The following SPAG16 variants were observed in gnomAD, a reference collection of about 807,000 sequenced individuals.
SPAG16 encodes sperm-associated antigen 16 protein.
In SPAG16, 86 loss-of-function variants were observed where a neutral mutation model predicts 80.4. The observed-to-expected ratio is 1.07, with a 90% CI of 0.90 to 1.28. SPAG16 has a LOEUF of 1.28. Ranked by LOEUF, SPAG16 falls within the 50% of genes most tolerant of loss-of-function variation. The pLI is 0.00. For synonymous variants in SPAG16, 294 were observed against 265.9 expected, an observed-to-expected ratio of 1.11 and a Z score of -1.03; for missense variants, 870 against 765.3, an observed-to-expected ratio of 1.14 and a Z score of -1.61.
intron 11 of SPAG16, among the ~76,000 whole-genome samples, chr2:213,869,272 T>TAC (rs1559538141): frequency 1.7e-4 from 16 of 96,822 alleles, no homozygotes; most frequent in African/African-American, 4.1e-4. Flanking sequence ...AAAATATATA[T>TAC]ATATATATGT....
chr2:213,329,463 G>A (rs1235597017), intron 5 of SPAG16, among the ~76,000 whole-genome samples: 2 of 152,138 alleles, frequency 1.3e-5, no homozygotes. Context: ...GTGATATTTT[G>A]CCCCTGTCCT....
At chr2:213,995,722 A>G (rs1268479204) in intron 12 of SPAG16, among the ~76,000 whole-genome samples, 2 of 152,188 alleles carry the variant, frequency 1.3e-5, no homozygotes, top group East Asian at 1.9e-4. Context: ...ATAAATGTTC[A>G]GTGTCCCAGC....
At chr2:213,681,031 T>C (rs1402181194) in intron 10 of SPAG16, among the ~76,000 whole-genome samples, 2 of 152,194 alleles carry the variant, frequency 1.3e-5, no homozygotes, top group Non-Finnish European at 2.9e-5. Context: ...ATCTCTCAGA[T>C]AGCTGACTTC....
chr2:213,356,437 T>A (rs1313169186), intron 7 of SPAG16, among the ~76,000 whole-genome samples: 2 of 152,228 alleles, frequency 1.3e-5, no homozygotes, highest in East Asian at 3.8e-4. Flanking sequence ...CTGTGATTGG[T>A]CAATTCAGAG....
At chr2:214,180,527 A>G (rs2057277995) in intron 15 of SPAG16, among the ~76,000 whole-genome samples, 1 of 151,672 alleles carries the variant, frequency 6.6e-6, no homozygotes, top group South Asian at 2.1e-4. Flanking sequence ...TTTCCATCTT[A>G]TTTAATTACC....
chr2:213,739,547 G>GA (rs2067444823), intron 10 of SPAG16, among the ~76,000 whole-genome samples: 1 of 152,068 alleles, frequency 6.6e-6, no homozygotes, highest in Non-Finnish European at 1.5e-5. Flanking sequence ...ATCATTTATG[G>GA]AAAAAATTGT....
chr2:214,065,657 A>G (rs2050496623), intron 13 of SPAG16, among the ~76,000 whole-genome samples: 1 of 152,116 alleles, frequency 6.6e-6, no homozygotes, highest in East Asian at 1.9e-4. Flanking sequence ...CCAAATACAT[A>G]TAGTTTATGT....
rs201741331 is a variant in SPAG16, at chr2:213,873,388, CCT to C, written c.1214+10765_1214+10766del. 2.8e-3 allele frequency among the ~76,000 whole-genome samples: 422 copies of C among 151,514 alleles called. 3 individuals are homozygous for C. The highest frequency in any genetic ancestry group is 9.9e-3 in the African/African-American group (407 of 41,314). On this transcript the variant is annotated intron_variant, in intron 11 of 15. Coordinates refer to ENST00000331683, the MANE Select transcript of SPAG16 (RefSeq NM_024532.5). Reference sequence around the variant, plus strand: ...AATTATTGATTTTAATAATTTGAGTCCTCTCTATTTTTTTGTTGCTCAGTAGA... The same window carrying C: ...AATTATTGATTTTAATAATTTGAGTCCTCTATTTTTTTGTTGCTCAGTAGA...
intron 15 of SPAG16, among the ~76,000 whole-genome samples, chr2:214,253,960 G>T (rs181818195): frequency 6.6e-6 from 1 of 152,180 alleles, no homozygotes. Flanking sequence ...CCATTTGTTT[G>T]TATCCTCTTT....
intron 10 of SPAG16, among the ~76,000 whole-genome samples, chr2:213,631,042 G>A (rs894490320): frequency 1.4e-4 from 22 of 152,150 alleles, no homozygotes; most frequent in Non-Finnish European, 2.6e-4. Flanking sequence ...TGATGGTGCC[G>A]ACCTTAATGA....
intron 9 of SPAG16, among the ~76,000 whole-genome samples, chr2:213,405,768 G>C (rs1467942418): frequency 6.6e-6 from 1 of 152,278 alleles, no homozygotes; most frequent in Non-Finnish European, 1.5e-5. Flanking sequence ...TTAATGTAAT[G>C]TCCTCCAATT....
chr2:214,350,595 G>C (rs1050846106), intron 15 of SPAG16, among the ~76,000 whole-genome samples: 1 of 152,184 alleles, frequency 6.6e-6, no homozygotes, highest in African/African-American at 2.4e-5. Context: ...AAAGAAGCCT[G>C]AGTTGGGAGT....
intron 10 of SPAG16, among the ~76,000 whole-genome samples, chr2:213,799,493 A>G (rs2071247788): frequency 6.6e-6 from 1 of 152,196 alleles, no homozygotes; most frequent in Non-Finnish European, 1.5e-5. Context: ...TAATGATAAC[A>G]TTACAGAAAA....
At chr2:213,533,527 A>C (rs2076144245) in intron 10 of SPAG16, among the ~76,000 whole-genome samples, 1 of 152,108 alleles carries the variant, frequency 6.6e-6, no homozygotes, top group African/African-American at 2.4e-5. Context: ...CCTCTTACTG[A>C]ATTTGCGTGT....
chr2:214,343,527 TG>T (rs1459670895), intron 15 of SPAG16, among the ~76,000 whole-genome samples: 2 of 152,130 alleles, frequency 1.3e-5, no homozygotes, highest in African/African-American at 2.4e-5. Flanking sequence ...AATCCTGAAA[TG>T]TTTATATATG....
At chr2:214,206,770 C>A (rs539234749) in intron 15 of SPAG16, among the ~76,000 whole-genome samples, 1 of 152,122 alleles carries the variant, frequency 6.6e-6, no homozygotes, top group African/African-American at 2.4e-5. Flanking sequence ...TCTCTGCATT[C>A]TCATCAGCAT....
intron 15 of SPAG16, among the ~76,000 whole-genome samples, chr2:214,197,253 T>G (rs531998156): frequency 6.6e-6 from 1 of 152,152 alleles, no homozygotes; most frequent in Admixed American, 6.6e-5. Flanking sequence ...TTGAAATCTG[T>G]GAATAAATCT....
In SPAG16 at chr2:213,452,892, AT is replaced by A. The variant is rs375530454; in HGVS notation, c.943-37069del. ...TATTCTCCACATAATCATGTTTCTT[AT>A]TATTAATTAACAAACATGAAAAAGA... On this transcript the variant is annotated intron_variant, in intron 9 of 15. Coordinates refer to ENST00000331683, the MANE Select transcript of SPAG16 (RefSeq NM_024532.5). Among the ~76,000 whole-genome samples, 565 of 152,344 alleles carry A rather than the reference AT, an allele frequency of 3.7e-3. 9 individuals carry two copies. Among genetic ancestry groups the A allele is most frequent in the Middle Eastern group, 0.024 (7 of 294 alleles).
intron 10 of SPAG16, among the ~76,000 whole-genome samples, chr2:213,799,316 ATTC>A (rs753915039): frequency 1.3e-5 from 2 of 152,078 alleles, no homozygotes; most frequent in Non-Finnish European, 2.9e-5. Context: ...TAAATATTTT[ATTC>A]TTCTGGAATC....
Sources: allele counts gnomAD v4.1 joint callset (sites outside exome capture counted in the v4.1 genomes callset), GRCh38; gene constraint gnomAD v4.1.1; transcripts MANE v1.5; gene names NCBI Gene and HGNC (gene_info 2026-07-23, HGNC 2026-07-21).